STK32B: variants seen among roughly 807,000 people sequenced by gnomAD.
The protein encoded by STK32B is serine/threonine-protein kinase 32B.
In STK32B, 43 loss-of-function variants were observed where a neutral mutation model predicts 52.6. The observed-to-expected ratio is 0.82, with a 90% confidence interval of 0.64 to 1.05. The LOEUF (loss-of-function observed/expected upper bound fraction) is 1.05. Ranked by LOEUF, STK32B falls within the 50% of genes least tolerant of loss-of-function variation. The probability of loss-of-function intolerance (pLI) is 0.00; values close to 1 mark genes in which losing one functional copy is unlikely to be tolerated. For missense variants in STK32B, 621 were observed against 534.6 expected (o/e 1.16, Z -1.59); for synonymous variants, 238 against 204.3 (o/e 1.17, Z -1.41).
chr4:5,298,190 G>C (rs1408503035), intron 3 of STK32B, among the ~76,000 whole-genome samples: 3 of 152,196 alleles, frequency 2.0e-5, no homozygotes, highest in Non-Finnish European at 2.9e-5. Flanking sequence ...CCAGATGTCA[G>C]CTGGAGCTCT....
intron 3 of STK32B, among the ~76,000 whole-genome samples, chr4:5,201,806 T>A (rs1350071115): frequency 6.6e-6 from 1 of 152,138 alleles, no homozygotes; most frequent in Non-Finnish European, 1.5e-5. Flanking sequence ...GAGAATAGAA[T>A]GGGGTAAACT....
intron 2 of STK32B, among the ~76,000 whole-genome samples, chr4:5,162,826 C>T (rs187788842): frequency 8.7e-4 from 132 of 152,300 alleles, no homozygotes; most frequent in African/African-American, 3.1e-3. Flanking sequence ...TGAAGGTTCC[C>T]AGGACCTGGA....
chr4:5,084,540 A>G (rs12499889), intron 1 of STK32B, among the ~76,000 whole-genome samples: 25,884 of 152,230 alleles, frequency 0.17, 2,748 homozygotes, highest in East Asian at 0.41. Flanking sequence ...GATTCCAAGT[A>G]TGGAAAGAAA....
At chr4:5,165,918 A>G (rs995252069) in intron 2 of STK32B, among the ~76,000 whole-genome samples, 1 of 152,200 alleles carries the variant, frequency 6.6e-6, no homozygotes, top group African/African-American at 2.4e-5. Flanking sequence ...ATCGTCCCTC[A>G]GTGCCGCCTG....
chr4:5,279,734 C>T (rs1305124289), intron 3 of STK32B, among the ~76,000 whole-genome samples: 1 of 152,240 alleles, frequency 6.6e-6, no homozygotes, highest in East Asian at 1.9e-4. Context: ...TAGGCAGAGG[C>T]TCCCAAAGCT....
At chr4:5,476,724 T>C (rs938229306) in intron 11 of STK32B, among the ~76,000 whole-genome samples, 1 of 151,734 alleles carries the variant, frequency 6.6e-6, no homozygotes, top group African/African-American at 2.4e-5. Flanking sequence ...TTTGCAGAAG[T>C]ATTAAGTTTA....
In STK32B at chr4:5,470,030, C is replaced by A. The variant is rs1184351191; in HGVS notation, c.1106+1960C>A. Among the ~76,000 whole-genome samples the A allele has an allele frequency of 6.6e-6, 1 of 152,202 alleles. No homozygotes were observed. The highest frequency in any genetic ancestry group is 6.5e-5 in the Admixed American group (1 of 15,286). ...CTGGCAAACGTGAGCCTGCAAAAAG[C>A]TAAGCTGTGTGGGACCCAAGCAGAC... On this transcript the variant is annotated intron_variant, in intron 11 of 11. Transcript: ENST00000282908. This position sits in a 1 kb window ranked among gnomAD's most constrained non-coding sequence, Gnocchi z 4.6.
rs1732222394 is a variant in STK32B at position 5,331,206 on chromosome 4, T to G, written c.261-14T>G. 1.2e-6 allele frequency: 2 copies of G among 1,604,756 alleles called. No individual in the cohort carries two copies. The highest frequency in any genetic ancestry group is 1.3e-5 in the African/African-American group (1 of 74,866). ...CCTCCACCCCTAATCTTCTCTGTCCTTCTGTGCTCCTAGGTACTCCTTCCA... is the reference window on the plus strand; with the variant it reads ...CCTCCACCCCTAATCTTCTCTGTCCGTCTGTGCTCCTAGGTACTCCTTCCA... On this transcript the variant is annotated splice_polypyrimidine_tract_variant and intron_variant, in intron 3 of 11. Transcript: ENST00000282908.
chr4:5,342,253 A>G (rs1418009777), intron 4 of STK32B, among the ~76,000 whole-genome samples: 2 of 152,192 alleles, frequency 1.3e-5, no homozygotes, highest in Non-Finnish European at 2.9e-5. Context: ...ATGCACACGT[A>G]TGTTTATTGT....
At chr4:5,266,915 T>C (rs1293754637) in intron 3 of STK32B, among the ~76,000 whole-genome samples, 1 of 152,160 alleles carries the variant, frequency 6.6e-6, no homozygotes, top group African/African-American at 2.4e-5. Context: ...CTAGCATCTT[T>C]TGCTTGAACC....
chr4:5,495,859 T>G (rs549491239), intron 11 of STK32B, among the ~76,000 whole-genome samples: 2 of 152,214 alleles, frequency 1.3e-5, no homozygotes, highest in Non-Finnish European at 2.9e-5. Context: ...CCTGTTTGCC[T>G]GGGTACCAGC....
chr4:5,229,385 G>A (rs540120296), intron 3 of STK32B, among the ~76,000 whole-genome samples: 1 of 152,220 alleles, frequency 6.6e-6, no homozygotes, highest in East Asian at 1.9e-4. Flanking sequence ...AACTGCATTG[G>A]TACCTCTTAA....
chr4:5,298,676 C>T (rs1729365189), intron 3 of STK32B, among the ~76,000 whole-genome samples: 1 of 152,156 alleles, frequency 6.6e-6, no homozygotes, highest in Non-Finnish European at 1.5e-5. Context: ...CTTTAGACTG[C>T]TGTGCTGGCA....
intron 3 of STK32B, among the ~76,000 whole-genome samples, chr4:5,187,970 C>A (rs114879421): frequency 3.5e-4 from 54 of 152,246 alleles, no homozygotes; most frequent in African/African-American, 1.2e-3. Context: ...CTTTCCTCTT[C>A]CTAGGTGTGT....
the STK32B span, among the ~76,000 whole-genome samples, chr4:5,042,172 A>G: frequency 6.6e-6 from 1 of 152,214 alleles, no homozygotes; most frequent in Non-Finnish European, 1.5e-5. Flanking sequence ...CCCAGTTCAT[A>G]TTTCTGTGCC....
intron 6 of STK32B, among the ~76,000 whole-genome samples, 167 bp from the exon 7 acceptor site, chr4:5,446,506 G>A (rs977311867): frequency 2.7e-5 from 4 of 149,278 alleles, no homozygotes; most frequent in Admixed American, 2.0e-4. Flanking sequence ...CAGAGGAGCC[G>A]ACATTGCGCC....
chr4:5,491,904 T>C (rs1719766450), intron 11 of STK32B, among the ~76,000 whole-genome samples: 1 of 152,206 alleles, frequency 6.6e-6, no homozygotes, highest in Admixed American at 6.5e-5. Context: ...TGCGGAGTTA[T>C]TTCTGAGGGC....
chr4:5,337,913 G>C (rs1308042081), intron 4 of STK32B, among the ~76,000 whole-genome samples: 2 of 152,130 alleles, frequency 1.3e-5, no homozygotes, highest in African/African-American at 4.8e-5. Flanking sequence ...GGATGACTAA[G>C]TCTCCTGGGA....
chr4:5,113,861 G>A (rs1301394967), intron 1 of STK32B, among the ~76,000 whole-genome samples: 4 of 152,236 alleles, frequency 2.6e-5, no homozygotes, highest in Admixed American at 6.5e-5. Context: ...AGGCAAGGAG[G>A]ACCGAATCAC....
Sources: gnomAD v4.1 joint callset for allele counts (sites outside exome capture counted in the v4.1 genomes callset) on GRCh38, gnomAD v4.1.1 for gene constraint, Gnocchi (gnomAD v3.1) non-coding constraint, MANE v1.5 for transcripts, NCBI Gene and HGNC (gene_info 2026-07-23, HGNC 2026-07-21) for gene names.